Variants in DPP6 observed in about 807,000 individuals in gnomAD.
DPP6 encodes the protein dipeptidyl peptidase like 6, also known as A-type potassium channel modulatory protein DPP6.
A neutral mutation model predicts 122.6 loss-of-function variants in DPP6; 69 were observed. The observed-to-expected ratio is 0.56, with a 90% CI of 0.46 to 0.69. The LOEUF (loss-of-function observed/expected upper bound fraction) is 0.69. Among genes scored for constraint, DPP6 ranks in the 30% least tolerant of loss-of-function variants. The pLI is 0.00. For missense variants in DPP6, 928 were observed against 1,116.9 expected (o/e 0.83, Z 2.41); for synonymous variants, 418 against 433.1 (o/e 0.97, Z 0.43).
the DPP6 span, among the ~76,000 whole-genome samples, chr7:153,834,812 T>C: frequency 0.094 from 14,274 of 152,196 alleles, 835 homozygotes; most frequent in African/African-American, 0.17. Flanking sequence ...ACGTGGCAAA[T>C]GTTAATCCAG....
At chr7:154,121,413 T>G (rs1585419986) in intron 1 of DPP6, among the ~76,000 whole-genome samples, 1 of 152,202 alleles carries the variant, frequency 6.6e-6, no homozygotes, top group African/African-American at 2.4e-5. Flanking sequence ...ACGGCTATAA[T>G]TTTCCTTCCA....
intron 1 of DPP6, among the ~76,000 whole-genome samples, chr7:153,983,681 C>T (rs1164659835): frequency 1.3e-5 from 2 of 151,756 alleles, no homozygotes; most frequent in Non-Finnish European, 2.9e-5. Flanking sequence ...GTGATATAGG[C>T]ACCCAAGGGA....
At chr7:153,751,353 A>AT in the DPP6 span, among the ~76,000 whole-genome samples, 1 of 151,840 alleles carries the variant, frequency 6.6e-6, no homozygotes, top group Non-Finnish European at 1.5e-5. Context: ...CTTGAGCAAC[A>AT]TTGGTTGTCT....
chr7:153,980,099 G>T (rs958540300), intron 1 of DPP6, among the ~76,000 whole-genome samples: 1 of 152,110 alleles, frequency 6.6e-6, no homozygotes, highest in East Asian at 1.9e-4. Flanking sequence ...CTATTGTTTG[G>T]AATAGTTTTA....
intron 4 of DPP6, among the ~76,000 whole-genome samples, chr7:154,551,851 CTG>C (rs1829661941): frequency 6.6e-6 from 1 of 152,076 alleles, no homozygotes; most frequent in Admixed American, 6.6e-5. Context: ...GACAAAGTCT[CTG>C]AAGTCTTTTT....
intron 5 of DPP6, among the ~76,000 whole-genome samples, chr7:154,594,359 G>C (rs1392174309): frequency 6.6e-6 from 1 of 152,192 alleles, no homozygotes; most frequent in African/African-American, 2.4e-5. Flanking sequence ...CAAGCTCCTT[G>C]AAGGTAGGGA....
intron 8 of DPP6, among the ~76,000 whole-genome samples, chr7:154,763,344 G>A (rs772098131): frequency 3.8e-4 from 48 of 126,578 alleles, no homozygotes; most frequent in Middle Eastern, 3.9e-3. Flanking sequence ...AAAAAGGAAG[G>A]AAGGAAGGAA....
In DPP6 at chr7:154,151,961, T is replaced by C. The variant is rs568950508; in HGVS notation, c.243+98898T>C. Among the ~76,000 whole-genome samples, 298 of 150,810 alleles carry C rather than the reference T, an allele frequency of 2.0e-3. 3 individuals carry two copies. Among genetic ancestry groups the C allele is most frequent in the African/African-American group, 6.8e-3 (278 of 41,056 alleles). ...ACCCCACACATTTGAGTTTGGCACA[T>C]GACACATTGCACGGCCTGGCACGGC... is the stretch of plus-strand genomic sequence containing the variant. On this transcript the variant is annotated intron_variant, in intron 1 of 25. Coordinates refer to ENST00000377770, the MANE Select transcript of DPP6 (RefSeq NM_130797.4).
At chr7:153,759,444 C>T in the DPP6 span, among the ~76,000 whole-genome samples, 1 of 152,078 alleles carries the variant, frequency 6.6e-6, no homozygotes. Context: ...GCCTCAGCCT[C>T]TCTAGTAGCT....
At chr7:153,954,551 A>T (rs564767539) in intron 1 of DPP6, among the ~76,000 whole-genome samples, 132 of 152,274 alleles carry the variant, frequency 8.7e-4, no homozygotes, top group Non-Finnish European at 1.4e-3. Flanking sequence ...TGGTGCCTTG[A>T]TGTGTGTTCA....
At chr7:153,814,292 G>A in the DPP6 span, among the ~76,000 whole-genome samples, 3 of 152,138 alleles carry the variant, frequency 2.0e-5, no homozygotes, top group Non-Finnish European at 4.4e-5. Flanking sequence ...CCATCCCACA[G>A]AAATACAAAC....
rs1250386602 is a variant in DPP6 at position 154,618,672 on chromosome 7, AT to A, written c.628-19148del. 6.6e-6 allele frequency among the ~76,000 whole-genome samples: 1 copy of A among 152,224 alleles called. No homozygotes were observed. Among genetic ancestry groups the A allele is most frequent in the Admixed American group, 6.5e-5 (1 of 15,282 alleles). On this transcript the variant is annotated intron_variant, in intron 5 of 25. Coordinates refer to ENST00000377770, the MANE Select transcript of DPP6 (RefSeq NM_130797.4). This position sits in a 1 kb window ranked among gnomAD's most constrained non-coding sequence, Gnocchi z 4.1. Reference sequence around the variant, plus strand: ...CTTCCACCCTCCTGATGGGGACCATATCCATGTGCTGCTCTTACATGTACTG... The same window carrying A: ...CTTCCACCCTCCTGATGGGGACCATACCATGTGCTGCTCTTACATGTACTG...
At chr7:154,527,304 C>G (rs77871744) in intron 3 of DPP6, among the ~76,000 whole-genome samples, 13,162 of 152,190 alleles carry the variant, frequency 0.086, 584 homozygotes, top group African/African-American at 0.11. Context: ...TCCTAATAAA[C>G]TTTGACCTTT....
intron 3 of DPP6, among the ~76,000 whole-genome samples, chr7:154,506,522 T>C (rs1750890277): frequency 6.6e-6 from 1 of 152,150 alleles, no homozygotes; most frequent in Non-Finnish European, 1.5e-5. Flanking sequence ...GGCTAATGCT[T>C]TGAGAAGGAA....
chr7:153,911,178 C>T lies in DPP6; in HGVS notation c.51+23444C>T, dbSNP rs1238878282. Among the ~76,000 whole-genome samples, 3 of 152,220 alleles carry T rather than the reference C, an allele frequency of 2.0e-5. No homozygotes were observed. The South Asian group carries it at 6.2e-4, about 32-fold the overall frequency. Reference sequence around the variant, plus strand: ...GGGGCACATTGAGTCTTATTGAGTCCCAGCTCCTTTGCACCTGCTTCTCCT... The same window carrying T: ...GGGGCACATTGAGTCTTATTGAGTCTCAGCTCCTTTGCACCTGCTTCTCCT... On this transcript the variant is annotated intron_variant, in intron 1 of 25. Transcript: ENST00000404039.
chr7:154,108,283 C>T (rs1806314343), intron 1 of DPP6, among the ~76,000 whole-genome samples: 1 of 152,126 alleles, frequency 6.6e-6, no homozygotes, highest in African/African-American at 2.4e-5. Flanking sequence ...TGCTAAGTGG[C>T]CCACCGGTCA....
chr7:154,737,260 G>T lies in DPP6; in HGVS notation c.883+9373G>T, dbSNP rs989445207. On this transcript the variant is annotated intron_variant, in intron 8 of 25. Transcript: ENST00000377770. ...TGTTCCTTGGTATCCTCGGGAGACT[G>T]GTTCCAGGAACCCCACTGCACCCAC... is the stretch of plus-strand genomic sequence containing the variant. Among the ~76,000 whole-genome samples the T allele has an allele frequency of 3.9e-5, 6 of 152,292 alleles. No homozygotes were observed. In the South Asian group the frequency reaches 1.2e-3, roughly 32 times the overall value.
chr7:154,413,187 C>G (rs1257077593), intron 1 of DPP6, among the ~76,000 whole-genome samples: 6 of 152,202 alleles, frequency 3.9e-5, no homozygotes, highest in African/African-American at 1.2e-4. Flanking sequence ...TCATCCAATT[C>G]CTTGGGCTAT....
intron 5 of DPP6, among the ~76,000 whole-genome samples, chr7:154,635,673 A>T (rs574412298): frequency 4.6e-5 from 7 of 152,218 alleles, no homozygotes; most frequent in Non-Finnish European, 8.8e-5. Flanking sequence ...GCTCTGGCTC[A>T]GGGTCCCTCA....
Sources: gnomAD v4.1 joint callset for allele counts (sites outside exome capture counted in the v4.1 genomes callset) on GRCh38, gnomAD v4.1.1 for gene constraint, Gnocchi (gnomAD v3.1) non-coding constraint, MANE v1.5 for transcripts, NCBI Gene and HGNC (gene_info 2026-07-23, HGNC 2026-07-21) for gene names.